The following RSBN1L variants were observed in gnomAD, a reference collection of about 807,000 sequenced individuals.
The protein encoded by RSBN1L is round spermatid basic protein 1 like, also known as lysine-specific demethylase RSBN1L.
Under a neutral mutation model 67.7 loss-of-function variants are expected in RSBN1L, and 30 were observed. The observed-to-expected ratio is 0.44, with a 90% CI of 0.33 to 0.60. The LOEUF (loss-of-function observed/expected upper bound fraction) is 0.60. Among genes scored for constraint, RSBN1L ranks in the 20% least tolerant of loss-of-function variants. RSBN1L has a pLI of 0.02. For synonymous variants in RSBN1L, 433 were observed against 387.0 expected (o/e 1.12, Z -1.39); for missense variants, 992 against 1,031.7 (o/e 0.96, Z 0.53).
chr7:77,729,139 T>A (rs1162892782), intron 1 of RSBN1L, among the ~76,000 whole-genome samples: 1 of 152,236 alleles, frequency 6.6e-6, no homozygotes, highest in Non-Finnish European at 1.5e-5. Flanking sequence ...TGTCTTTAGC[T>A]GTTTTGCAGC....
chr7:77,761,258 C>T (rs1329663743), intron 3 of RSBN1L, among the ~76,000 whole-genome samples: 10 of 152,172 alleles, frequency 6.6e-5, no homozygotes. Context: ...TTCCTTCCTT[C>T]CCCTTCTAAA....
At chr7:77,744,369 T>C (rs1791452452) in intron 2 of RSBN1L, among the ~76,000 whole-genome samples, 1 of 150,098 alleles carries the variant, frequency 6.7e-6, no homozygotes, top group South Asian at 2.1e-4. Context: ...ATTAATTTTG[T>C]CCTTAAGATA....
At chr7:77,768,049 G>A (rs948082142) in intron 4 of RSBN1L, among the ~76,000 whole-genome samples, 20 of 150,348 alleles carry the variant, frequency 1.3e-4, no homozygotes, top group East Asian at 6.0e-4. Flanking sequence ...GGGTTTCACC[G>A]TGCTGGCCAG....
chr7:77,767,522 C>T (rs938512319), intron 4 of RSBN1L, among the ~76,000 whole-genome samples: 12 of 151,696 alleles, frequency 7.9e-5, no homozygotes, highest in Admixed American at 2.0e-4. Context: ...TACAGACACA[C>T]ACTACCATGC....
chr7:77,778,513 G>A lies in RSBN1L; in HGVS notation c.1903-17G>A, dbSNP rs1791948829. 6.3e-7 allele frequency: 1 copy of A among 1,597,850 alleles called. No homozygotes were observed. The highest frequency in any genetic ancestry group is 8.5e-7 in the Non-Finnish European group (1 of 1,171,658). On this transcript the variant is annotated splice_polypyrimidine_tract_variant and intron_variant, in intron 7 of 7. Transcript: ENST00000334955. ...ATGAAGAGAGTTATTTGTATTTCTT[G>A]TTTTATTATTTTTTAGTGTGTCCAA...
At chr7:77,762,357 T>A (rs1791706571) in intron 3 of RSBN1L, among the ~76,000 whole-genome samples, 1 of 152,170 alleles carries the variant, frequency 6.6e-6, no homozygotes, top group South Asian at 2.1e-4. Flanking sequence ...GTGCCCAAAC[T>A]AGACAGAGAA....
chr7:77,728,551 C>T (rs1301009311), intron 1 of RSBN1L, among the ~76,000 whole-genome samples: 1 of 152,204 alleles, frequency 6.6e-6, no homozygotes, highest in African/African-American at 2.4e-5. Context: ...TGTGGCGCTG[C>T]TCAACAGCCA....
chr7:77,715,117 C>A (rs182502156), intron 1 of RSBN1L, among the ~76,000 whole-genome samples: 238 of 151,572 alleles, frequency 1.6e-3, no homozygotes, highest in African/African-American at 5.6e-3. Flanking sequence ...ACTAAAAATA[C>A]AAAAATTAGT....
intron 1 of RSBN1L, among the ~76,000 whole-genome samples, chr7:77,731,869 A>G (rs1791276530): frequency 6.6e-6 from 1 of 151,292 alleles, no homozygotes; most frequent in African/African-American, 2.4e-5. Flanking sequence ...GTATGTGGAT[A>G]TCCAGTTGTT....
At chr7:77,750,637 C>T (rs1025374784) in intron 3 of RSBN1L, among the ~76,000 whole-genome samples, 3 of 152,158 alleles carry the variant, frequency 2.0e-5, no homozygotes, top group African/African-American at 7.2e-5. Context: ...AGAATAGAGT[C>T]TGCTGGGTCT....
chr7:77,721,057 T>TA (rs1791113337), intron 1 of RSBN1L, among the ~76,000 whole-genome samples: 1 of 152,070 alleles, frequency 6.6e-6, no homozygotes, highest in Admixed American at 6.6e-5. Context: ...CTTTTTTTCT[T>TA]ATGTGGATTT....
At chr7:77,758,826 C>T (rs1327884944) in intron 3 of RSBN1L, among the ~76,000 whole-genome samples, 2 of 152,166 alleles carry the variant, frequency 1.3e-5, no homozygotes, top group Non-Finnish European at 2.9e-5. Context: ...GGAATTTTCT[C>T]TGTCAAGAAA....
In RSBN1L at chr7:77,779,744, T is replaced by C. The variant is rs1193078390; in HGVS notation, c.*576T>C. ...ATGATTCTCTGCTGGTATATCTATT[T>C]AGTGTGGTATTGTAGTGCAAATGTA... On this transcript the variant is annotated 3_prime_UTR_variant, in exon 8 of 8. Coordinates refer to ENST00000334955, the MANE Select transcript of RSBN1L (RefSeq NM_198467.3). The C allele has an allele frequency of 2.0e-5, 3 of 152,124 alleles. No individual in the cohort carries two copies. Among genetic ancestry groups the C allele is most frequent in the Admixed American group, 1.3e-4 (2 of 15,256 alleles). The allele number at this position is 152,124 out of a possible 1,614,324, so 9.4% of individuals were successfully genotyped here.
At chr7:77,764,383 A>G (rs879732939) in intron 3 of RSBN1L, among the ~76,000 whole-genome samples, 1 of 152,244 alleles carries the variant, frequency 6.6e-6, no homozygotes, top group African/African-American at 2.4e-5. Flanking sequence ...CTGGCAAGAA[A>G]TGTAGTTACC....
chr7:77,728,269 AT>A (rs1331401157), intron 1 of RSBN1L, among the ~76,000 whole-genome samples: 1 of 152,198 alleles, frequency 6.6e-6, no homozygotes, highest in African/African-American at 2.4e-5. Flanking sequence ...TTGTCTGAAT[AT>A]GCCTTCCTGC....
At chr7:77,776,477 G>T (rs1174920398) in intron 6 of RSBN1L, among the ~76,000 whole-genome samples, 1 of 152,166 alleles carries the variant, frequency 6.6e-6, no homozygotes, top group Non-Finnish European at 1.5e-5. Flanking sequence ...CTTTCTGTCT[G>T]TAGGTATATG....
intron 2 of RSBN1L, among the ~76,000 whole-genome samples, chr7:77,744,138 C>T (rs1242761488): frequency 6.6e-6 from 1 of 152,050 alleles, no homozygotes; most frequent in African/African-American, 2.4e-5. Context: ...CTCAAGCCAT[C>T]CTCCTGCCTC....
At chr7:77,718,911 CTT>C (rs1285339799) in intron 1 of RSBN1L, among the ~76,000 whole-genome samples, 1 of 152,160 alleles carries the variant, frequency 6.6e-6, no homozygotes. Context: ...TCCAAGATGA[CTT>C]TACTCACGTG....
chr7:77,729,390 G>A (rs945817947), intron 1 of RSBN1L, among the ~76,000 whole-genome samples: 2 of 152,198 alleles, frequency 1.3e-5, no homozygotes, highest in African/African-American at 4.8e-5. Flanking sequence ...TTTAATAATA[G>A]TGGAGACTAG....
Sources: gnomAD v4.1 joint callset for allele counts (sites outside exome capture counted in the v4.1 genomes callset) on GRCh38, gnomAD v4.1.1 for gene constraint, MANE v1.5 for transcripts, NCBI Gene and HGNC (gene_info 2026-07-23, HGNC 2026-07-21) for gene names.